Variants in KATNA1 observed in about 807,000 individuals in gnomAD.
KATNA1 encodes the protein katanin p60 ATPase-containing subunit A1.
KATNA1 carries 42 observed loss-of-function variants against 62.6 expected under a neutral mutation model. The observed-to-expected ratio is 0.67, with a 90% CI of 0.52 to 0.87. The LOEUF (loss-of-function observed/expected upper bound fraction) is 0.87, where lower values mean the gene tolerates loss of function less well. Among genes scored for constraint, KATNA1 ranks in the 40% least tolerant of loss-of-function variants. The pLI is 0.00. For missense variants in KATNA1, 498 were observed against 612.5 expected (o/e 0.81, Z 1.97); for synonymous variants, 186 against 201.9 (o/e 0.92, Z 0.67).
At chr6:149,635,268 C>G (rs1780025443) in intron 2 of KATNA1, among the ~76,000 whole-genome samples, 4 of 152,090 alleles carry the variant, frequency 2.6e-5, no homozygotes. Context: ...CAGACCGAGA[C>G]TCTGCCTCCA....
intron 1 of KATNA1, among the ~76,000 whole-genome samples, chr6:149,639,329 G>A (rs1029323360): frequency 3.3e-5 from 5 of 151,712 alleles, no homozygotes; most frequent in African/African-American, 4.8e-5. Flanking sequence ...GGCCCGGTGC[G>A]GTGGCTCACA....
chr6:149,613,072 C>T (rs892298018), intron 4 of KATNA1, among the ~76,000 whole-genome samples: 98 of 149,728 alleles, frequency 6.5e-4, no homozygotes, highest in Non-Finnish European at 1.2e-3. Flanking sequence ...CCCAGCTACT[C>T]GGGAGGCTGA....
chr6:149,621,792 C>CA (rs879364336), intron 4 of KATNA1, among the ~76,000 whole-genome samples: 358 of 136,102 alleles, frequency 2.6e-3, no homozygotes, highest in African/African-American at 7.0e-3. Context: ...CATGCCCGGC[C>CA]AAAAAAAAAA....
At chr6:149,633,237 A>G (rs937273435) in intron 2 of KATNA1, among the ~76,000 whole-genome samples, 2 of 150,780 alleles carry the variant, frequency 1.3e-5, no homozygotes, top group Non-Finnish European at 2.9e-5. Context: ...CCTCCCGAGT[A>G]GCTGGGACTA....
Position 149,605,791 on chromosome 6 carries a change from TAG to T in KATNA1, c.502-1011_502-1010del, listed in dbSNP as rs1377854781. Among the ~76,000 whole-genome samples the T allele has an allele frequency of 3.1e-4, 47 of 152,158 alleles. No homozygotes were observed. The Middle Eastern group carries it at 0.024, about 77-fold the overall frequency. On this transcript the variant is annotated intron_variant, in intron 4 of 10. Coordinates refer to ENST00000367411, the MANE Select transcript of KATNA1 (RefSeq NM_007044.4). Reference sequence around the variant, plus strand: ...TTTATTTATTTATTTATTTTTGAGCTAGAGTCTCACTCTGTCGCCCAGGCTAG... The same window carrying T: ...TTTATTTATTTATTTATTTTTGAGCTAGTCTCACTCTGTCGCCCAGGCTAG...
chr6:149,628,832 GA>G (rs1335423364), intron 3 of KATNA1, among the ~76,000 whole-genome samples: 12 of 133,100 alleles, frequency 9.0e-5, no homozygotes, highest in Admixed American at 2.2e-4. Flanking sequence ...AAAAAAAAAA[GA>G]AAAAAAAAAG....
In KATNA1 at chr6:149,633,004, A is replaced by G. The variant is rs995418797; in HGVS notation, c.163-88T>C. Reference sequence around the variant, plus strand: ...GAGGGCCATTTACTAGAGATGTTACAAAACTCCATTTTGATATCAGATATC... The same window carrying G: ...GAGGGCCATTTACTAGAGATGTTACGAAACTCCATTTTGATATCAGATATC... On this transcript the variant is annotated intron_variant, in intron 2 of 10. Transcript: ENST00000367411. 150 of 981,462 alleles carry G rather than the reference A, an allele frequency of 1.5e-4. 2 individuals carry two copies. In the Admixed American group the frequency reaches 4.0e-3, roughly 26 times the overall value. The allele number at this position is 981,462 out of a possible 1,614,324, so 60.8% of individuals were successfully genotyped here.
intron 3 of KATNA1, among the ~76,000 whole-genome samples, chr6:149,631,881 A>G (rs1211501567): frequency 6.6e-6 from 1 of 152,204 alleles, no homozygotes; most frequent in Non-Finnish European, 1.5e-5. Flanking sequence ...ATCTGCTGGC[A>G]CTTGGTAGTA....
chr6:149,629,018 A>G (rs1273034185), intron 3 of KATNA1, among the ~76,000 whole-genome samples: 1 of 152,172 alleles, frequency 6.6e-6, no homozygotes, highest in Non-Finnish European at 1.5e-5. Flanking sequence ...TCAGGAACAG[A>G]AAACGATACA....
intron 5 of KATNA1, 58 bp from the exon 6 acceptor site, chr6:149,603,431 C>A: frequency 1.3e-6 from 1 of 777,144 alleles, no homozygotes; most frequent in Non-Finnish European, 2.2e-6. Flanking sequence ...TATGCAGTCA[C>A]TCTTGAGAAC....
At chr6:149,627,397 C>G (rs1779655581) in intron 3 of KATNA1, among the ~76,000 whole-genome samples, 1 of 151,360 alleles carries the variant, frequency 6.6e-6, no homozygotes, top group South Asian at 2.1e-4. Flanking sequence ...GAAACCCTGT[C>G]TACTAAAAAT....
At chr6:149,597,329 TCTTTA>T (rs1778364571) in intron 9 of KATNA1, 140 bp from the exon 10 acceptor site, 1 of 1,219,472 alleles carries the variant, frequency 8.2e-7, no homozygotes, top group Non-Finnish European at 1.1e-6. Flanking sequence ...AAAGAGCCAT[TCTTTA>T]CTTTTTAATT....
chr6:149,600,658 A>G (rs1778503086), intron 7 of KATNA1, among the ~76,000 whole-genome samples: 1 of 151,614 alleles, frequency 6.6e-6, no homozygotes, highest in African/African-American at 2.4e-5. Flanking sequence ...TGTCTTGACC[A>G]GGATTGGTGA....
intron 4 of KATNA1, among the ~76,000 whole-genome samples, chr6:149,615,092 C>T (rs1267677894): frequency 3.2e-5 from 4 of 126,104 alleles, no homozygotes; most frequent in Admixed American, 2.8e-4. Context: ...GAGATTGTGT[C>T]ACTGCACTCC....
chr6:149,606,807 A>G (rs1243258627), intron 4 of KATNA1, among the ~76,000 whole-genome samples: 1 of 151,986 alleles, frequency 6.6e-6, no homozygotes, highest in Non-Finnish European at 1.5e-5. Flanking sequence ...TTTAGTAGAG[A>G]TGGGGTTTCA....
chr6:149,595,000 C>CT lies in KATNA1; in HGVS notation c.*35dup. On this transcript the variant is annotated 3_prime_UTR_variant, in exon 11 of 11. Coordinates refer to ENST00000367411, the MANE Select transcript of KATNA1 (RefSeq NM_007044.4). Reference sequence around the variant, plus strand: ...AATTACTGCATTTAATATTCAAACACTTAAGGCACATTTCTCACAGTTTAC... The same window carrying CT: ...AATTACTGCATTTAATATTCAAACACTTTAAGGCACATTTCTCACAGTTTAC... 1 of 1,532,012 alleles carries CT rather than the reference C, an allele frequency of 6.5e-7. No individual in the cohort carries two copies. The highest frequency in any genetic ancestry group is 9.0e-7 in the Non-Finnish European group (1 of 1,108,042). 94.9% of individuals were successfully genotyped at this position (1,532,012 alleles called of 1,614,324 possible). A position where few individuals can be genotyped will look rare whatever the true frequency, so the allele number is the denominator to read the frequency against.
chr6:149,595,428 G>A (rs1562276741), intron 10 of KATNA1, among the ~76,000 whole-genome samples, 194 bp from the exon 11 acceptor site: 2 of 152,134 alleles, frequency 1.3e-5, no homozygotes, highest in East Asian at 3.9e-4. Context: ...TAAATCTTCT[G>A]TAATGAAAAA....
chr6:149,602,755 C>G (rs1302851455), intron 6 of KATNA1, among the ~76,000 whole-genome samples: 1 of 147,216 alleles, frequency 6.8e-6, no homozygotes, highest in East Asian at 2.0e-4. Context: ...GAGTTTCGCT[C>G]TTGTTGCCCA....
At chr6:149,605,348 G>C (rs895485112) in intron 4 of KATNA1, among the ~76,000 whole-genome samples, 2 of 152,120 alleles carry the variant, frequency 1.3e-5, no homozygotes, top group Non-Finnish European at 1.5e-5. Flanking sequence ...AAATGTGGTC[G>C]CAAGTGAATA....
Sources: allele counts gnomAD v4.1 joint callset (sites outside exome capture counted in the v4.1 genomes callset), GRCh38; gene constraint gnomAD v4.1.1; transcripts MANE v1.5; gene names NCBI Gene and HGNC (gene_info 2026-07-23, HGNC 2026-07-21).